Variants in GPHN observed in about 807,000 individuals in gnomAD.
The protein encoded by GPHN is gephyrin.
In GPHN, 17 loss-of-function variants were observed where a neutral mutation model predicts 95.5. The ratio of observed to expected loss-of-function variants is 0.18; its 90% CI spans 0.12 to 0.27. GPHN has a LOEUF of 0.27. Ranked by LOEUF, GPHN falls within the 10% of genes least tolerant of loss-of-function variation. GPHN has a pLI of 1.00. For synonymous variants in GPHN, 320 were observed against 322.5 expected, an observed-to-expected ratio of 0.99 and a Z score of 0.08; for missense variants, 660 against 978.1, an observed-to-expected ratio of 0.67 and a Z score of 4.34.
chr14:67,060,378 G>A (rs1203579402), intron 11 of GPHN, among the ~76,000 whole-genome samples: 2 of 152,074 alleles, frequency 1.3e-5, no homozygotes, highest in Non-Finnish European at 2.9e-5. Flanking sequence ...TTTGTCAAGT[G>A]TTTCCACCTA....
At chr14:67,459,416 C>G in the GPHN span, among the ~76,000 whole-genome samples, 2 of 152,220 alleles carry the variant, frequency 1.3e-5, no homozygotes, top group Non-Finnish European at 2.9e-5. Context: ...CTTCATGGAA[C>G]TTCTGAGCTT....
At chr14:67,417,399 A>C in the GPHN span, among the ~76,000 whole-genome samples, 1 of 152,142 alleles carries the variant, frequency 6.6e-6, no homozygotes, top group Non-Finnish European at 1.5e-5. Context: ...AGAAGGAGTG[A>C]GCATTGGTAA....
chr14:67,657,543 T>G, the GPHN span, among the ~76,000 whole-genome samples: 1 of 151,840 alleles, frequency 6.6e-6, no homozygotes, highest in Non-Finnish European at 1.5e-5. Flanking sequence ...TAACAACCAC[T>G]GACAGAAACG....
chr14:67,073,872 T>A (rs2076400061), intron 11 of GPHN, among the ~76,000 whole-genome samples: 1 of 152,216 alleles, frequency 6.6e-6, no homozygotes, highest in Non-Finnish European at 1.5e-5. Context: ...TATTATTCCA[T>A]TAACACAACT....
the GPHN span, among the ~76,000 whole-genome samples, chr14:67,536,779 A>G: frequency 6.6e-6 from 1 of 151,914 alleles, no homozygotes; most frequent in Non-Finnish European, 1.5e-5. Flanking sequence ...GTGGTGGCTC[A>G]CGCCTGTAAT....
At chr14:66,912,904 A>G (rs1300449198) in intron 5 of GPHN, among the ~76,000 whole-genome samples, 1 of 152,216 alleles carries the variant, frequency 6.6e-6, no homozygotes, top group African/African-American at 2.4e-5. Context: ...ACAGGATTAC[A>G]CTAATAGTAA....
the GPHN span, among the ~76,000 whole-genome samples, chr14:67,468,686 G>C: frequency 6.6e-6 from 1 of 152,094 alleles, no homozygotes; most frequent in Non-Finnish European, 1.5e-5. Flanking sequence ...CTGAGGTCAG[G>C]GGTTCAAGAC....
chr14:66,669,247 C>A (rs2066156098), intron 1 of GPHN, among the ~76,000 whole-genome samples: 1 of 151,782 alleles, frequency 6.6e-6, no homozygotes, highest in African/African-American at 2.4e-5. Context: ...GCCTGTAATC[C>A]CAGCTACTCA....
At chr14:67,101,706 T>G (rs1304505497) in intron 13 of GPHN, among the ~76,000 whole-genome samples, 1 of 151,598 alleles carries the variant, frequency 6.6e-6, no homozygotes, top group Non-Finnish European at 1.5e-5. Flanking sequence ...TTTTAGGGTT[T>G]TATTATATTT....
intron 9 of GPHN, among the ~76,000 whole-genome samples, chr14:66,990,313 C>T (rs2071326078): frequency 6.6e-6 from 1 of 152,056 alleles, no homozygotes; most frequent in Admixed American, 6.6e-5. Flanking sequence ...AGACACAGAG[C>T]CAAACCATAT....
the GPHN span, chr14:67,200,432 C>G: frequency 1.2e-5 from 6 of 505,284 alleles, no homozygotes; most frequent in South Asian, 1.6e-4. Context: ...TAATCCCTTT[C>G]AGCACCCCCA....
At chr14:67,301,418 T>A in the GPHN span, 1 of 1,610,718 alleles carries the variant, frequency 6.2e-7, no homozygotes, top group Non-Finnish European at 8.5e-7. Context: ...CAGTTCATCA[T>A]AAGGAAGGAC....
chr14:67,199,461 G>A, the GPHN span: 2 of 1,612,862 alleles, frequency 1.2e-6, no homozygotes, highest in East Asian at 4.5e-5. Context: ...AAGATTATGT[G>A]GGACCCTGAC....
rs1222644341 is a variant in GPHN, at chr14:66,552,557, ATT to A, written c.64+43968_64+43969del. Reference sequence around the variant, plus strand: ...TAAGTCTACATATCCATTTGATAGAATTTGTCTTTGGTCTGAAGAACACTCTT... The same window carrying A: ...TAAGTCTACATATCCATTTGATAGAATGTCTTTGGTCTGAAGAACACTCTT... On this transcript the variant is annotated intron_variant, in intron 1 of 22. Transcript: ENST00000478722. Among the ~76,000 whole-genome samples the A allele has an allele frequency of 2.0e-5, 3 of 152,100 alleles. No individual in the cohort carries two copies. In the East Asian group the frequency reaches 5.8e-4, roughly 29 times the overall value.
intron 3 of GPHN, among the ~76,000 whole-genome samples, chr14:66,799,424 C>T (rs999217752): frequency 5.9e-5 from 9 of 151,914 alleles, no homozygotes; most frequent in African/African-American, 2.2e-4. Context: ...AAGTCTCCAG[C>T]TACTATTGTG....
chr14:67,193,356 A>ATC, the GPHN span, among the ~76,000 whole-genome samples: 3 of 133,034 alleles, frequency 2.3e-5, no homozygotes, highest in Non-Finnish European at 3.3e-5. Context: ...CTATATAGAG[A>ATC]TATATAATCT....
intron 17 of GPHN, among the ~76,000 whole-genome samples, chr14:67,135,105 A>G (rs1370501730): frequency 6.6e-6 from 1 of 151,170 alleles, no homozygotes; most frequent in Non-Finnish European, 1.5e-5. Context: ...CATTACGGGC[A>G]CCTGCCACCA....
the GPHN span, among the ~76,000 whole-genome samples, chr14:67,323,261 G>A: frequency 0.073 from 9,000 of 123,844 alleles, 795 homozygotes; most frequent in East Asian, 0.43. Context: ...GTGTGTGTGT[G>A]TATATATATA....
the GPHN span, among the ~76,000 whole-genome samples, chr14:67,408,354 T>A: frequency 3.7e-5 from 5 of 134,870 alleles, no homozygotes; most frequent in East Asian, 1.1e-3. Context: ...TAAAATAAAA[T>A]AAAAAAAGAA....
Sources: gnomAD v4.1 joint callset for allele counts (sites outside exome capture counted in the v4.1 genomes callset) on GRCh38, gnomAD v4.1.1 for gene constraint, MANE v1.5 for transcripts, NCBI Gene and HGNC (gene_info 2026-07-23, HGNC 2026-07-21) for gene names.